CYREN: variants seen among roughly 807,000 people sequenced by gnomAD.
CYREN encodes cell cycle regulator of non-homologous end joining.
A neutral mutation model predicts 9.7 loss-of-function variants in CYREN; 7 were observed. The ratio of observed to expected loss-of-function variants is 0.72; its 90% CI spans 0.41 to 1.36. The LOEUF is 1.36. CYREN is among the 40% of genes most tolerant of loss of function. The pLI is 0.01. For missense variants in CYREN, 215 were observed against 198.1 expected, an observed-to-expected ratio of 1.09 and a Z score of -0.51; for synonymous variants, 76 against 77.9, an observed-to-expected ratio of 0.98 and a Z score of 0.13.
chr7:135,167,699 C>T lies in CYREN; in HGVS notation c.213+33G>A, dbSNP rs1830276615. On this transcript the variant is annotated intron_variant, in intron 3 of 3. Transcript: ENST00000393114. ...TCTAGCCTCTGCCCATGCAGAGTTT[C>T]TGGTCATGAGTAAGAGGCTTGTCTG... 4 of 1,612,746 alleles carry T rather than the reference C, an allele frequency of 2.5e-6. No individual in the cohort carries two copies. In the Admixed American group the frequency reaches 6.7e-5, roughly 27 times the overall value.
chr7:135,115,688 T>G, intron 2 of CYREN: 2 of 1,234,804 alleles, frequency 1.6e-6, no homozygotes, highest in Non-Finnish European at 2.2e-6. Context: ...TAATTTATTA[T>G]CCTACGAAAA....
chr7:135,154,915 T>G (rs1829752158), intron 2 of CYREN, among the ~76,000 whole-genome samples: 1 of 152,232 alleles, frequency 6.6e-6, no homozygotes, highest in Non-Finnish European at 1.5e-5. Context: ...CCCAATGATC[T>G]GTCTAGTGTT....
intron 2 of CYREN, among the ~76,000 whole-genome samples, chr7:135,155,660 G>C (rs1360136310): frequency 1.3e-5 from 2 of 152,174 alleles, no homozygotes; most frequent in South Asian, 4.2e-4. Context: ...AGACCAACCG[G>C]GGCAAAATAG....
chr7:135,166,485 C>T lies in CYREN; in HGVS notation c.*126G>A. The stretch of plus-strand genomic sequence containing the variant: ...TGGCCTGAGGTGAATCTGCCAGGCC[C>T]AAGAAGGCACAAAGGTAGGAGCACA... On this transcript the variant is annotated 3_prime_UTR_variant, in exon 4 of 4. Transcript: ENST00000393114. The T allele has an allele frequency of 6.9e-7, 1 of 1,457,202 alleles. No homozygotes were observed. Among genetic ancestry groups the T allele is most frequent in the Non-Finnish European group, 9.1e-7 (1 of 1,100,800 alleles). The allele number at this position is 1,457,202 out of a possible 1,614,324, so 90.3% of individuals were successfully genotyped here.
chr7:135,153,224 G>C (rs1326581271), intron 2 of CYREN: 1 of 152,228 alleles, frequency 6.6e-6, no homozygotes, highest in Non-Finnish European at 1.5e-5. Flanking sequence ...CAGAGGCCAA[G>C]GTGGGCAGAT....
At chr7:135,160,068 T>G (rs931533856) in intron 2 of CYREN, among the ~76,000 whole-genome samples, 1 of 152,266 alleles carries the variant, frequency 6.6e-6, no homozygotes, top group South Asian at 2.1e-4. Flanking sequence ...AGGAACCATT[T>G]CTAGTTCACA....
At position 135,168,864 on chromosome 7, in the gene CYREN, TG is replaced by T; in HGVS notation, c.58del (p.Gln20ArgfsTer10). 1.9e-6 allele frequency: 3 copies of T among 1,614,070 alleles called. No homozygotes were observed. Among genetic ancestry groups the T allele is most frequent in the Non-Finnish European group, 2.5e-6 (3 of 1,179,940 alleles). On this transcript the variant is annotated frameshift_variant, in exon 2 of 4. Coordinates refer to ENST00000393114, the MANE Select transcript of CYREN (RefSeq NM_024033.4). LOFTEE classifies it high-confidence loss of function. ...TRVLPSWLTA[Q>X]VATKNVAPMK... Reference sequence around the variant, plus strand: ...TGGTGCCACATTCTTTGTAGCCACCTGGGCTGTCAGCCATGAGGGAAGGACC... The same window carrying T: ...TGGTGCCACATTCTTTGTAGCCACCTGGCTGTCAGCCATGAGGGAAGGACC...
intron 2 of CYREN, chr7:135,101,056 A>G: frequency 2.6e-6 from 1 of 390,058 alleles, no homozygotes; most frequent in South Asian, 1.9e-5. Context: ...TGACAATGAA[A>G]TCAGAGGACC....
At chr7:135,097,737 G>A (rs546368577) in intron 2 of CYREN, among the ~76,000 whole-genome samples, 31 of 152,190 alleles carry the variant, frequency 2.0e-4, no homozygotes, top group Admixed American at 7.2e-4. Context: ...AATGGAAGAA[G>A]ATATCCTCCT....
intron 2 of CYREN, among the ~76,000 whole-genome samples, chr7:135,128,164 T>G (rs1439136798): frequency 1.3e-5 from 2 of 150,678 alleles, no homozygotes; most frequent in Non-Finnish European, 1.5e-5. Flanking sequence ...TGGTGGTGAG[T>G]GCCTGTAGTC....
intron 2 of CYREN, among the ~76,000 whole-genome samples, chr7:135,105,155 C>T (rs1180091444): frequency 6.7e-6 from 1 of 149,502 alleles, no homozygotes; most frequent in East Asian, 2.0e-4. Context: ...CTGCAACCTC[C>T]ACCTCCCAGA....
intron 2 of CYREN, chr7:135,115,616 G>C: frequency 6.5e-6 from 10 of 1,528,946 alleles, no homozygotes; most frequent in Non-Finnish European, 7.1e-6. Flanking sequence ...ACATCAGTAA[G>C]TCAATACAAT....
At position 135,166,510 on chromosome 7, in the gene CYREN, A is replaced by C; in HGVS notation, c.*101T>G. On this transcript the variant is annotated 3_prime_UTR_variant, in exon 4 of 4. Coordinates refer to ENST00000393114, the MANE Select transcript of CYREN (RefSeq NM_024033.4). ...CAAGAAGGCACAAAGGTAGGAGCAC[A>C]GAGAGCCCCATTCCCACAGGCGGGC... is the stretch of plus-strand genomic sequence containing the variant. 4 of 1,498,180 alleles carry C rather than the reference A, an allele frequency of 2.7e-6. No homozygotes were observed. Among genetic ancestry groups the C allele is most frequent in the Non-Finnish European group, 3.5e-6 (4 of 1,129,332 alleles). The allele number at this position is 1,498,180 out of a possible 1,614,324, so 92.8% of individuals were successfully genotyped here. A position where few individuals can be genotyped will look rare whatever the true frequency, so the allele number is the denominator to read the frequency against.
At chr7:135,104,788 T>C (rs1292423459) in intron 2 of CYREN, among the ~76,000 whole-genome samples, 1 of 151,880 alleles carries the variant, frequency 6.6e-6, no homozygotes, top group African/African-American at 2.4e-5. Flanking sequence ...TTTTTTTTTT[T>C]CTTGTACATT....
intron 2 of CYREN, among the ~76,000 whole-genome samples, chr7:135,156,719 C>T (rs927579027): frequency 6.6e-6 from 1 of 152,076 alleles, no homozygotes; most frequent in Non-Finnish European, 1.5e-5. Context: ...GAAGAATTCT[C>T]TTTGATTGGG....
rs1275145092 is a variant in CYREN at position 135,134,883 on chromosome 7, A to G, written n.356+33866T>C. On this transcript the variant is annotated intron_variant and non_coding_transcript_variant, in intron 2 of 2. Transcript: ENST00000459937. The stretch of plus-strand genomic sequence containing the variant: ...GCAGAAATATAAAGAAATACAGCAC[A>G]TCTTGGACAGCACCCAGAAATCACC... The G allele has an allele frequency of 2.6e-6, 4 of 1,551,106 alleles. No homozygotes were observed. The Admixed American group carries it at 5.9e-5, about 23-fold the overall frequency.
chr7:135,143,782 A>G (rs1376757297), intron 2 of CYREN, among the ~76,000 whole-genome samples: 1 of 152,228 alleles, frequency 6.6e-6, no homozygotes, highest in East Asian at 1.9e-4. Flanking sequence ...TTAAAGTTTT[A>G]AAAACCATTA....
rs1253664537 is a variant in CYREN at position 135,115,586 on chromosome 7, A to T, written n.357-21004T>A. ...TCAGATAAAACAGCTATTCAATCCA[A>T]GAACCAACTTCCAAATCCAACATCA... On this transcript the variant is annotated intron_variant and non_coding_transcript_variant, in intron 2 of 2. Transcript: ENST00000459937. The T allele has an allele frequency of 1.9e-6, 3 of 1,550,268 alleles. No individual in the cohort carries two copies. The East Asian group carries it at 7.3e-5, about 38-fold the overall frequency.
exon 3 of CYREN, chr7:135,092,619 T>C (rs1183498512): frequency 5.9e-5 from 9 of 152,268 alleles, no homozygotes; most frequent in Non-Finnish European, 1.0e-4. Context: ...ATGAAACAAA[T>C]GCTACTTATT....
Sources: allele counts gnomAD v4.1 joint callset (sites outside exome capture counted in the v4.1 genomes callset), GRCh38; gene constraint gnomAD v4.1.1; transcripts MANE v1.5; gene names NCBI Gene and HGNC (gene_info 2026-07-23, HGNC 2026-07-21).